Variants in SLC35F4 observed in about 807,000 individuals in gnomAD.
SLC35F4 encodes the protein chromosome 14 open reading frame 36.
SLC35F4 carries 24 observed loss-of-function variants against 44.2 expected under a neutral mutation model. That is an observed-to-expected ratio of 0.54 (90% confidence interval 0.39 to 0.76). SLC35F4 has a LOEUF of 0.76. Among genes scored for constraint, SLC35F4 ranks in the 30% least tolerant of loss-of-function variants. SLC35F4 has a pLI of 0.00. For missense variants in SLC35F4, 562 were observed against 586.1 expected (o/e 0.96, Z 0.42); for synonymous variants, 238 against 223.6 (o/e 1.06, Z -0.57).
chr14:57,805,369 C>A (rs957062727), intron 1 of SLC35F4, among the ~76,000 whole-genome samples: 1 of 152,134 alleles, frequency 6.6e-6, no homozygotes, highest in Non-Finnish European at 1.5e-5. Flanking sequence ...TGAAATCAAC[C>A]TAAATGCCCA....
chr14:57,839,692 C>A (rs753911887), intron 1 of SLC35F4, among the ~76,000 whole-genome samples: 34 of 152,166 alleles, frequency 2.2e-4, no homozygotes, highest in Non-Finnish European at 4.4e-4. Context: ...CAGCAAACCA[C>A]CATGGCACAT....
chr14:57,828,958 C>G (rs141151850), intron 1 of SLC35F4, among the ~76,000 whole-genome samples: 85 of 152,336 alleles, frequency 5.6e-4, no homozygotes, highest in African/African-American at 1.9e-3. Flanking sequence ...TTTAAACAGC[C>G]ATGCTCACTA....
intron 1 of SLC35F4, among the ~76,000 whole-genome samples, chr14:57,820,665 G>A (rs975253363): frequency 3.9e-5 from 6 of 152,182 alleles, no homozygotes; most frequent in Admixed American, 2.0e-4. Flanking sequence ...CAATAGAGAG[G>A]AGACAAAACT....
At chr14:57,727,293 ATATTCTCTATTTTTTGTTAGAC>A (rs1326077391) in intron 1 of SLC35F4, among the ~76,000 whole-genome samples, 1 of 151,542 alleles carries the variant, frequency 6.6e-6, no homozygotes, top group Non-Finnish European at 1.5e-5. Flanking sequence ...TTTTATTTGG[ATATTCTCTATTTTTTGTTAGAC>A]TGGCTAAAGT....
At chr14:57,869,055 T>C (rs1453880918), upstream of SLC35F4, among the ~76,000 whole-genome samples, 3 of 152,210 alleles carry the variant, frequency 2.0e-5, no homozygotes, top group Admixed American at 2.0e-4. Flanking sequence ...TTCAGGAATT[T>C]TTTAATGCAT....
At chr14:57,845,198 A>C (rs566410066) in intron 1 of SLC35F4, among the ~76,000 whole-genome samples, 1 of 152,166 alleles carries the variant, frequency 6.6e-6, no homozygotes, top group African/African-American at 2.4e-5. Context: ...AAATTTTATA[A>C]TTTTGACTGC....
At chr14:57,595,903 G>A (rs1426132927) in intron 1 of SLC35F4, 2 of 152,240 alleles carry the variant, frequency 1.3e-5, no homozygotes, top group East Asian at 1.9e-4. Context: ...CAGAACCTAG[G>A]ATGGATAGTG....
intron 1 of SLC35F4, among the ~76,000 whole-genome samples, chr14:57,951,612 C>T (rs1890140803): frequency 1.3e-5 from 2 of 152,254 alleles, no homozygotes; most frequent in South Asian, 2.1e-4. Context: ...GGGGCATCTT[C>T]CATTACTGAG....
At chr14:57,816,034 G>C (rs1350310317) in intron 1 of SLC35F4, among the ~76,000 whole-genome samples, 2 of 152,116 alleles carry the variant, frequency 1.3e-5, no homozygotes, top group East Asian at 3.9e-4. Context: ...TGGGGGTCTG[G>C]CCTAAAGCAG....
intron 1 of SLC35F4, among the ~76,000 whole-genome samples, chr14:57,788,117 G>A (rs1288276649): frequency 6.6e-6 from 1 of 152,096 alleles, no homozygotes; most frequent in African/African-American, 2.4e-5. Context: ...AGCACGGGTA[G>A]CTGTTCTTAG....
Position 57,720,137 on chromosome 14 carries a change from A to G in SLC35F4, c.104-126013T>C, listed in dbSNP as rs768690408. Among the ~76,000 whole-genome samples, 9 of 152,310 alleles carry G rather than the reference A, an allele frequency of 5.9e-5. No homozygotes were observed. The Middle Eastern group carries it at 0.01, about 173-fold the overall frequency. Reference sequence around the variant, plus strand: ...GTTTGAGTTGCATATCAAATCAATGATATGCAAATATCATTGAACCTTCCT... The same window carrying G: ...GTTTGAGTTGCATATCAAATCAATGGTATGCAAATATCATTGAACCTTCCT... On this transcript the variant is annotated intron_variant, in intron 1 of 7. Coordinates refer to ENST00000556826, the MANE Select transcript of SLC35F4 (RefSeq NM_001306087.2).
intron 1 of SLC35F4, among the ~76,000 whole-genome samples, chr14:57,873,606 T>A (rs932531054): frequency 3.3e-5 from 5 of 152,216 alleles, no homozygotes; most frequent in Non-Finnish European, 7.3e-5. Context: ...AATTACATAT[T>A]TTTTAATGCA....
chr14:57,863,579 C>T (rs960017293), intron 1 of SLC35F4, among the ~76,000 whole-genome samples: 6 of 152,186 alleles, frequency 3.9e-5, no homozygotes, highest in Non-Finnish European at 7.3e-5. Flanking sequence ...TGCTCATTCC[C>T]TGTAACAGCC....
chr14:57,715,733 T>G (rs570831094), intron 1 of SLC35F4, among the ~76,000 whole-genome samples: 2 of 152,294 alleles, frequency 1.3e-5, no homozygotes, highest in African/African-American at 4.8e-5. Context: ...TGGATGATAT[T>G]GCAGAGATGG....
intron 1 of SLC35F4, chr14:57,596,750 T>C: frequency 2.2e-6 from 3 of 1,352,038 alleles, no homozygotes; most frequent in Non-Finnish European, 3.0e-6. Context: ...ACCAGTGATT[T>C]ATCTTCCTTT....
At chr14:57,774,244 C>G (rs1378576848) in intron 1 of SLC35F4, among the ~76,000 whole-genome samples, 2 of 152,150 alleles carry the variant, frequency 1.3e-5, no homozygotes, top group African/African-American at 4.8e-5. Flanking sequence ...GGCTACCACA[C>G]CCCAGGACTT....
chr14:57,768,308 G>T (rs990903524), intron 1 of SLC35F4, among the ~76,000 whole-genome samples: 5 of 152,142 alleles, frequency 3.3e-5, no homozygotes, highest in African/African-American at 1.2e-4. Context: ...TCCTAACTTA[G>T]ACTCCTGGTT....
chr14:57,927,024 T>A (rs959661703), intron 1 of SLC35F4, among the ~76,000 whole-genome samples: 1 of 152,164 alleles, frequency 6.6e-6, no homozygotes, highest in Non-Finnish European at 1.5e-5. Flanking sequence ...GAAGGCCACA[T>A]TCCCCAAAGC....
chr14:57,905,165 G>A (rs902234707), intron 1 of SLC35F4, among the ~76,000 whole-genome samples: 1 of 152,222 alleles, frequency 6.6e-6, no homozygotes, highest in East Asian at 1.9e-4. Flanking sequence ...TGGAGGATCT[G>A]CTACGAAGGT....
Sources: allele counts gnomAD v4.1 joint callset (sites outside exome capture counted in the v4.1 genomes callset), GRCh38; gene constraint gnomAD v4.1.1; transcripts MANE v1.5; gene names NCBI Gene and HGNC (gene_info 2026-07-23, HGNC 2026-07-21).